Variants in ADAMTS20 observed in about 807,000 individuals in gnomAD.
ADAMTS20 encodes A disintegrin and metalloproteinase with thrombospondin motifs 20.
In ADAMTS20, 225 loss-of-function variants were observed where a neutral mutation model predicts 260.1. The ratio of observed to expected loss-of-function variants is 0.87; its 90% CI spans 0.78 to 0.97. The LOEUF (loss-of-function observed/expected upper bound fraction) is 0.97, where lower values mean the gene tolerates loss of function less well. Among genes scored for constraint, ADAMTS20 ranks in the 50% least tolerant of loss-of-function variants. ADAMTS20 has a pLI of 0.00. For missense variants in ADAMTS20, 2,400 were observed against 2,337.7 expected (o/e 1.03, Z -0.55); for synonymous variants, 802 against 769.5 (o/e 1.04, Z -0.70).
intron 18 of ADAMTS20, among the ~76,000 whole-genome samples, chr12:43,437,042 CAA>C (rs1426916220): frequency 6.6e-6 from 1 of 152,012 alleles, no homozygotes; most frequent in Non-Finnish European, 1.5e-5. Context: ...ACAAACAGCG[CAA>C]GGTCAGTAGA....
intron 3 of ADAMTS20, among the ~76,000 whole-genome samples, chr12:43,515,423 G>C (rs1046788511): frequency 1.3e-5 from 2 of 152,098 alleles, no homozygotes; most frequent in Non-Finnish European, 2.9e-5. Context: ...TAAGATGTAA[G>C]CTAAGTTTAC....
chr12:43,357,081 G>A (rs1188315722), intron 37 of ADAMTS20, among the ~76,000 whole-genome samples: 3 of 152,162 alleles, frequency 2.0e-5, no homozygotes, highest in Non-Finnish European at 4.4e-5. Flanking sequence ...GGTCCCCTAT[G>A]AGCTTCATGA....
At chr12:43,471,916 A>C (rs1396316569) in intron 7 of ADAMTS20, among the ~76,000 whole-genome samples, 1 of 144,344 alleles carries the variant, frequency 6.9e-6, no homozygotes, top group Non-Finnish European at 1.5e-5. Flanking sequence ...GGAAACTCTA[A>C]AACGCAGAGC....
intron 2 of ADAMTS20, among the ~76,000 whole-genome samples, chr12:43,542,515 GT>G (rs35824801): frequency 0.93 from 140,701 of 151,750 alleles, 65,640 homozygotes; most frequent in East Asian, 0.99. Context: ...CCAATCTATT[GT>G]TTTTTTTTCA....
In ADAMTS20 at chr12:43,434,366, G is replaced by A. The variant is rs371385651; in HGVS notation, c.2599C>T (p.Gln867Ter). The A allele has an allele frequency of 3.7e-5, 58 of 1,579,112 alleles. No homozygotes were observed. Among genetic ancestry groups the A allele is most frequent in the Non-Finnish European group, 4.8e-5 (56 of 1,162,310 alleles). The change falls in exon 19 of 39, where the codon CAG becomes TAG. Residue 867 changes from glutamine to a stop codon, truncating the protein, a stop_gained. Coordinates refer to ENST00000389420, the MANE Select transcript of ADAMTS20 (RefSeq NM_025003.5). LOFTEE classifies it high-confidence loss of function. ...TGTATGCAAGTTATGTTTCTTCGCT[G>A]AAGACCTTGGCCAAAGTCAAATGAA... ...EGCTKMCQGLQRRNITCIHKS... is the reference protein window; with the variant it reads ...EGCTKMCQGL
chr12:43,362,866 C>T (rs1295501328), intron 37 of ADAMTS20, among the ~76,000 whole-genome samples: 2 of 150,954 alleles, frequency 1.3e-5, no homozygotes, highest in Non-Finnish European at 2.9e-5. Flanking sequence ...GGCCAAGAGC[C>T]AGGGAATGCA....
Position 43,423,458 on chromosome 12 carries a change from G to T in ADAMTS20, c.4284+2056C>A. ...TTAATGCTTGGTGAATTGAAGTCAT[G>T]AATGGGTAGGGAAAATAAAACGTCT... On this transcript the variant is annotated intron_variant, in intron 28 of 38. Coordinates refer to ENST00000389420, the MANE Select transcript of ADAMTS20 (RefSeq NM_025003.5). 4 of 421,234 alleles carry T rather than the reference G, an allele frequency of 9.5e-6. No individual in the cohort carries two copies. In the East Asian group the frequency reaches 1.2e-4, roughly 12 times the overall value. The allele number at this position is 421,234 out of a possible 1,614,324, so 26.1% of individuals were successfully genotyped here.
chr12:43,457,112 C>T (rs1403368178), intron 11 of ADAMTS20, among the ~76,000 whole-genome samples: 2 of 152,214 alleles, frequency 1.3e-5, no homozygotes, highest in Non-Finnish European at 2.9e-5. Flanking sequence ...TCTTCCTTGA[C>T]TTATCAGCAA....
chr12:43,496,018 A>G (rs1263679178), intron 4 of ADAMTS20, among the ~76,000 whole-genome samples: 4 of 152,172 alleles, frequency 2.6e-5, no homozygotes, highest in Non-Finnish European at 5.9e-5. Flanking sequence ...ATGAATAGCC[A>G]CAAGGCCCAT....
intron 7 of ADAMTS20, among the ~76,000 whole-genome samples, chr12:43,472,098 G>T (rs1343963383): frequency 1.3e-5 from 2 of 150,256 alleles, no homozygotes; most frequent in African/African-American, 2.4e-5. Flanking sequence ...AAAAAATTTA[G>T]AAGAATGTAT....
intron 11 of ADAMTS20, among the ~76,000 whole-genome samples, chr12:43,460,695 G>A (rs1363216766): frequency 3.9e-5 from 6 of 151,926 alleles, no homozygotes; most frequent in Non-Finnish European, 7.4e-5. Context: ...CTATTGACAG[G>A]AGAATTGATA....
chr12:43,356,060 C>G (rs1450586562), intron 38 of ADAMTS20, among the ~76,000 whole-genome samples: 1 of 152,212 alleles, frequency 6.6e-6, no homozygotes, highest in Admixed American at 6.5e-5. Flanking sequence ...ATCACTAAAA[C>G]AGTGAGGGAA....
At chr12:43,430,741 T>C (rs975732625) in intron 22 of ADAMTS20, among the ~76,000 whole-genome samples, 2 of 152,188 alleles carry the variant, frequency 1.3e-5, no homozygotes, top group African/African-American at 2.4e-5. Flanking sequence ...AGAGGCCTGA[T>C]ATTTTAGAAA....
intron 38 of ADAMTS20, among the ~76,000 whole-genome samples, chr12:43,354,619 T>C (rs759082191): frequency 1.3e-5 from 2 of 152,182 alleles, no homozygotes; most frequent in Non-Finnish European, 2.9e-5. Context: ...TAGGTATGTA[T>C]TTGCTTCAGT....
chr12:43,519,944 T>C (rs1943048759), intron 3 of ADAMTS20, among the ~76,000 whole-genome samples: 1 of 152,186 alleles, frequency 6.6e-6, no homozygotes, highest in African/African-American at 2.4e-5. Flanking sequence ...CCCAATTTGC[T>C]AGAATATACA....
At chr12:43,504,932 C>T (rs1021728988) in intron 3 of ADAMTS20, among the ~76,000 whole-genome samples, 10 of 152,264 alleles carry the variant, frequency 6.6e-5, no homozygotes, top group Admixed American at 2.0e-4. Flanking sequence ...ATTAGACATG[C>T]ATCTACCCTA....
At chr12:43,519,782 C>A (rs1298366282) in intron 3 of ADAMTS20, among the ~76,000 whole-genome samples, 1 of 152,114 alleles carries the variant, frequency 6.6e-6, no homozygotes, top group East Asian at 1.9e-4. Context: ...ACTCAATATA[C>A]AAAAGAGAGA....
At position 43,432,284 on chromosome 12, in the gene ADAMTS20, G is replaced by A. The variant is rs1482980904; in HGVS notation, c.3096+20C>T. The stretch of plus-strand genomic sequence containing the variant: ...TAACACAATATTTTAATAGTTCCAA[G>A]CATCATGTGTTTAATGTACCTCGCT... On this transcript the variant is annotated intron_variant, in intron 21 of 38. Coordinates refer to ENST00000389420, the MANE Select transcript of ADAMTS20 (RefSeq NM_025003.5). The A allele has an allele frequency of 1.9e-6, 3 of 1,605,864 alleles. No individual in the cohort carries two copies. The highest frequency in any genetic ancestry group is 2.6e-6 in the Non-Finnish European group (3 of 1,175,258).
At chr12:43,396,156 T>G (rs1461353486) in intron 29 of ADAMTS20, among the ~76,000 whole-genome samples, 8 of 152,080 alleles carry the variant, frequency 5.3e-5, no homozygotes, top group Non-Finnish European at 1.2e-4. Flanking sequence ...TATAGCAATG[T>G]TTGTTCCTGT....
Sources: gnomAD v4.1 joint callset for allele counts (sites outside exome capture counted in the v4.1 genomes callset) on GRCh38, gnomAD v4.1.1 for gene constraint, MANE v1.5 for transcripts, NCBI Gene and HGNC (gene_info 2026-07-23, HGNC 2026-07-21) for gene names.